CD99: variants seen among roughly 807,000 people sequenced by gnomAD.
CD99 encodes the protein CD99 molecule (Xg blood group), also known as CD99 antigen.
A neutral mutation model predicts 28.4 loss-of-function variants in CD99; 19 were observed. The observed-to-expected ratio is 0.67, with a 90% CI of 0.47 to 0.98. The LOEUF (loss-of-function observed/expected upper bound fraction) is 0.98. Ranked by LOEUF, CD99 falls within the 50% of genes least tolerant of loss-of-function variation. CD99 has a pLI of 0.00. For synonymous variants in CD99, 103 were observed against 92.1 expected (o/e 1.12, Z -0.67); for missense variants, 283 against 248.8 (o/e 1.14, Z -0.92).
At chrX:2,698,021 G>A (rs1405583477) in intron 1 of CD99, among the ~76,000 whole-genome samples, 2 of 151,868 alleles carry the variant, frequency 1.3e-5, no homozygotes, top group Non-Finnish European at 2.9e-5. Context: ...TCAAGAGGCT[G>A]TGGTCCTTTG....
chrX:2,692,072 A>G (rs1487256450), intron 1 of CD99: 1 of 609,674 alleles, frequency 1.6e-6, no homozygotes, highest in African/African-American at 1.9e-5. Flanking sequence ...GCGGCGGTGG[A>G]GAATTCGGAA....
intron 1 of CD99, among the ~76,000 whole-genome samples, chrX:2,711,323 G>GGT (rs1237979933): frequency 6.8e-6 from 1 of 147,708 alleles, no homozygotes; most frequent in Non-Finnish European, 1.5e-5. Context: ...GTATGTATAT[G>GGT]GTGTGTATAT....
At chrX:2,709,686 G>A (rs184281569) in intron 1 of CD99, among the ~76,000 whole-genome samples, 13 of 107,690 alleles carry the variant, frequency 1.2e-4, no homozygotes, top group East Asian at 2.8e-4. Context: ...ATCCACACGC[G>A]CACATGCATG....
In CD99 at chrX:2,707,240, G is replaced by A. The variant is rs2048163159; in HGVS notation, c.68-7182G>A. Among the ~76,000 whole-genome samples the A allele has an allele frequency of 6.6e-5, 10 of 152,104 alleles. No individual in the cohort carries two copies. The South Asian group carries it at 2.1e-3, about 32-fold the overall frequency. On this transcript the variant is annotated intron_variant, in intron 1 of 9. Transcript: ENST00000381192. ...AGCTACTGGGGAAGCTGAGGAAGGA[G>A]AATCACTTGAACCCAGGAGGTGGAG...
At chrX:2,710,502 T>C (rs2048344944) in intron 1 of CD99, among the ~76,000 whole-genome samples, 1 of 146,730 alleles carries the variant, frequency 6.8e-6, no homozygotes, top group African/African-American at 2.6e-5. Context: ...GTACTTTACT[T>C]TCACGTGTGG....
chrX:2,732,424 G>A (rs2049668050), intron 8 of CD99, among the ~76,000 whole-genome samples: 1 of 152,064 alleles, frequency 6.6e-6, no homozygotes, highest in Non-Finnish European at 1.5e-5. Context: ...CAAGATGGGC[G>A]ATTGGCTCTC....
chrX:2,705,505 G>A (rs762818005), intron 1 of CD99, among the ~76,000 whole-genome samples: 1 of 152,200 alleles, frequency 6.6e-6, no homozygotes, highest in South Asian at 2.1e-4. Context: ...GTGTTTATGC[G>A]GTTGCACATG....
At chrX:2,693,141 G>T (rs1965013) in intron 1 of CD99, among the ~76,000 whole-genome samples, 41,295 of 147,938 alleles carry the variant, frequency 0.28, 5,779 homozygotes, top group South Asian at 0.32. Flanking sequence ...GTTTTTGTTG[G>T]TGGTGGTGGT....
At chrX:2,695,156 A>C (rs1456097096) in intron 1 of CD99, among the ~76,000 whole-genome samples, 2 of 151,988 alleles carry the variant, frequency 1.3e-5, no homozygotes, top group Admixed American at 1.3e-4. Flanking sequence ...TTTGTGATTT[A>C]TAGACACAGT....
chrX:2,727,361 T>TA, intron 8 of CD99: 1 of 778,490 alleles, frequency 1.3e-6, no homozygotes. Context: ...AGCCCTGCTA[T>TA]TTGGAACACA....
intron 7 of CD99, 81 bp from the exon 8 acceptor site, chrX:2,726,179 G>A: frequency 1.2e-6 from 1 of 812,464 alleles, no homozygotes. Flanking sequence ...CAGACTGACT[G>A]TCTCTGCCAG....
intron 1 of CD99, among the ~76,000 whole-genome samples, chrX:2,706,879 G>A (rs995292028): frequency 4.6e-5 from 7 of 151,852 alleles, no homozygotes; most frequent in African/African-American, 1.7e-4. Context: ...GGAGTGCAGT[G>A]GTGCGATCTC....
chrX:2,733,766 G>T (rs1218595134), intron 8 of CD99: 3 of 262,186 alleles, frequency 1.1e-5, no homozygotes, highest in Non-Finnish European at 2.2e-5. Flanking sequence ...CTTCCCTGCA[G>T]TGTCCTAGGT....
chrX:2,722,838 T>C (rs1413501113), intron 6 of CD99, 164 bp downstream of exon 6: 3 of 246,426 alleles, frequency 1.2e-5, no homozygotes, highest in African/African-American at 7.0e-5. Flanking sequence ...GCTTCAAGGA[T>C]GTGGGAAGTA....
intron 7 of CD99, among the ~76,000 whole-genome samples, chrX:2,724,990 A>T (rs2049198431): frequency 6.6e-6 from 1 of 151,238 alleles, no homozygotes; most frequent in Non-Finnish European, 1.5e-5. Flanking sequence ...TGAACCCGGG[A>T]CGCAGAGGTT....
At chrX:2,722,869 C>T (rs187841346) in intron 6 of CD99, among the ~76,000 whole-genome samples, 195 bp downstream of exon 6, 6,646 of 152,160 alleles carry the variant, frequency 0.044, 174 homozygotes, top group African/African-American at 0.061. Flanking sequence ...CGTAGAGGTT[C>T]GGTCCTCGGA....
At position 2,714,469 on chromosome X, in the gene CD99, C is replaced by A. The variant is rs1372523361; in HGVS notation, c.100+15C>A. The A allele has an allele frequency of 6.3e-7, 1 of 1,591,560 alleles. No homozygotes were observed. The highest frequency in any genetic ancestry group is 1.1e-5 in the South Asian group (1 of 89,974). On this transcript the variant is annotated intron_variant, in intron 2 of 9. Coordinates refer to ENST00000381192, the MANE Select transcript of CD99 (RefSeq NM_002414.5). Reference sequence around the variant, plus strand: ...TGCCCTTCCTGGTGAGTATCAACATCATTTTTTAAAATCCCGTCAATATTT... The same window carrying A: ...TGCCCTTCCTGGTGAGTATCAACATAATTTTTTAAAATCCCGTCAATATTT...
At chrX:2,727,380 G>A (rs2049348700) in intron 8 of CD99, 1 of 774,700 alleles carries the variant, frequency 1.3e-6, no homozygotes, top group Non-Finnish European at 2.4e-6. Flanking sequence ...CAGCTAACGT[G>A]CATGCATCAC....
Position 2,723,342 on chromosome X carries a change from C to A in CD99, c.339C>A (p.Ser113Arg). The A allele has an allele frequency of 6.2e-7, 1 of 1,613,948 alleles. No individual in the cohort carries two copies. The highest frequency in any genetic ancestry group is 8.5e-7 in the Non-Finnish European group (1 of 1,179,872). Residue 113 changes from serine (S) to arginine (R), a missense_variant, in exon 7 of 10, where the codon AGC becomes AGA. Physicochemically the swap from Ser to Arg is moderately radical, Grantham distance 110. Transcript: ENST00000381192. ...EGKGGSDGGG[S>R]HRKEGEEADA... is the part of the protein sequence containing the mutation. ...AAGGAGGCAGTGATGGTGGAGGCAGCCACAGGAAAGAAGGGGAAGAGGGTA... is the reference window on the plus strand; with the variant it reads ...AAGGAGGCAGTGATGGTGGAGGCAGACACAGGAAAGAAGGGGAAGAGGGTA...
Sources: gnomAD v4.1 joint callset for allele counts (sites outside exome capture counted in the v4.1 genomes callset) on GRCh38, gnomAD v4.1.1 for gene constraint, MANE v1.5 for transcripts, NCBI Gene and HGNC (gene_info 2026-07-23, HGNC 2026-07-21) for gene names.